The following LRRC9 variants were observed in gnomAD, a reference collection of about 807,000 sequenced individuals.
The protein encoded by LRRC9 is leucine rich repeat containing 9.
LRRC9 carries 122 observed loss-of-function variants against 63.2 expected under a neutral mutation model. The observed-to-expected ratio is 1.93, with a 90% CI of 1.67 to 2.24. The LOEUF (loss-of-function observed/expected upper bound fraction) is 2.24. Ranked by LOEUF, LRRC9 falls within the 30% of genes most tolerant of loss-of-function variation. The pLI is 0.00. For missense variants in LRRC9, 1,071 were observed against 627.7 expected (o/e 1.71, Z -7.55); for synonymous variants, 366 against 213.1 (o/e 1.72, Z -6.25).
chr14:59,963,640 C>T (rs1884562760), intron 10 of LRRC9, among the ~76,000 whole-genome samples: 1 of 151,974 alleles, frequency 6.6e-6, no homozygotes, highest in South Asian at 2.1e-4. Context: ...GATTAATAGC[C>T]CAGTACATAT....
At chr14:60,018,302 G>A in intron 24 of LRRC9, 69 bp from the exon 25 acceptor site, 1 of 690,796 alleles carries the variant, frequency 1.4e-6, no homozygotes, top group Non-Finnish European at 2.7e-6. Flanking sequence ...GTATGTGAAG[G>A]AACTCACCTT....
rs1453886569 is a variant in LRRC9, at chr14:60,060,727, C to G, written c.4277-2596C>G. ...CTGCTCTCCAGCCTGGGTGACAGAG[C>G]AAGACTCCATCTCAAAAAATAAAAT... On this transcript the variant is annotated intron_variant, in intron 31 of 31. Coordinates refer to ENST00000445360, the Ensembl canonical transcript of LRRC9. The surrounding 1 kb of genome is among the most constrained non-coding windows in gnomAD (Gnocchi z 4.0). Among the ~76,000 whole-genome samples, 2 of 152,034 alleles carry G rather than the reference C, an allele frequency of 1.3e-5. No homozygotes were observed. Among genetic ancestry groups the G allele is most frequent in the Non-Finnish European group, 2.9e-5 (2 of 68,010 alleles).
intron 25 of LRRC9, 22 bp from the exon 26 acceptor site, chr14:60,019,099 T>C (rs1341767239): frequency 1.5e-6 from 1 of 651,316 alleles, no homozygotes; most frequent in Non-Finnish European, 2.7e-6. Flanking sequence ...GATTTCTGAT[T>C]AATAAGATAT....
At chr14:59,963,917 A>C (rs1246562221) in intron 10 of LRRC9, among the ~76,000 whole-genome samples, 1 of 152,204 alleles carries the variant, frequency 6.6e-6, no homozygotes, top group African/African-American at 2.4e-5. Context: ...ACATTTAAAA[A>C]CGTGTGTAGC....
At chr14:60,019,915 T>A in intron 26 of LRRC9, among the ~76,000 whole-genome samples, 1 of 151,734 alleles carries the variant, frequency 6.6e-6, no homozygotes, top group East Asian at 1.9e-4. Context: ...ATCAGAATGC[T>A]TTCATTCCAG....
chr14:60,065,114 G>A (rs934050668), downstream of LRRC9, among the ~76,000 whole-genome samples: 3 of 152,090 alleles, frequency 2.0e-5, no homozygotes, highest in African/African-American at 4.8e-5. Flanking sequence ...GGGCGCAGTG[G>A]CTCACATCTG....
chr14:60,036,094 AAAAACTCCTGG>A (rs1892410141), intron 29 of LRRC9, among the ~76,000 whole-genome samples: 1 of 152,094 alleles, frequency 6.6e-6, no homozygotes, highest in East Asian at 1.9e-4. Flanking sequence ...AAGAGGGCAC[AAAAACTCCTGG>A]TCTCTTCTAT....
intron 29 of LRRC9, among the ~76,000 whole-genome samples, chr14:60,032,644 T>C (rs906683630): frequency 6.6e-6 from 1 of 152,120 alleles, no homozygotes; most frequent in Admixed American, 6.6e-5. Flanking sequence ...GATTGAGAAA[T>C]ATGACAATGG....
At position 59,930,653 on chromosome 14, in the gene LRRC9, GATAT is replaced by G. The variant is rs1889625442; in HGVS notation, c.268-260_268-257del. On this transcript the variant is annotated intron_variant, in intron 3 of 31. Transcript: ENST00000445360. This position sits in a 1 kb window ranked among gnomAD's most constrained non-coding sequence, Gnocchi z 4.9. Reference sequence around the variant, plus strand: ...ATAACCATATAGAAATATGATATGTGATATATATGATTACAATTATAACCATATA... The same window carrying G: ...ATAACCATATAGAAATATGATATGTGATATGATTACAATTATAACCATATA... Among the ~76,000 whole-genome samples, 1 of 151,484 alleles carries G rather than the reference GATAT, an allele frequency of 6.6e-6. No individual in the cohort carries two copies. The highest frequency in any genetic ancestry group is 1.5e-5 in the Non-Finnish European group (1 of 67,764).
At chr14:59,994,193 G>A (rs139167943) in intron 17 of LRRC9, among the ~76,000 whole-genome samples, 6 of 152,086 alleles carry the variant, frequency 3.9e-5, no homozygotes, top group East Asian at 1.9e-4. Flanking sequence ...ATCAAAAAGC[G>A]GGCAAAGGAT....
intron 17 of LRRC9, among the ~76,000 whole-genome samples, chr14:59,989,400 C>G (rs1887817884): frequency 6.6e-6 from 1 of 151,806 alleles, no homozygotes; most frequent in South Asian, 2.1e-4. Flanking sequence ...TTGTATTTCT[C>G]TTAAAAGTGT....
At chr14:59,981,084 A>AT (rs1300734767) in intron 15 of LRRC9, among the ~76,000 whole-genome samples, 1 of 151,712 alleles carries the variant, frequency 6.6e-6, no homozygotes, top group Non-Finnish European at 1.5e-5. Flanking sequence ...ATGCCTTTTA[A>AT]TTTTTTCTCT....
chr14:60,033,289 A>C (rs925452577), intron 29 of LRRC9, among the ~76,000 whole-genome samples: 1 of 152,002 alleles, frequency 6.6e-6, no homozygotes, highest in African/African-American at 2.4e-5. Flanking sequence ...TCCAATTCTC[A>C]TATTTTTAAT....
At chr14:60,016,909 A>C (rs1215547226) in intron 24 of LRRC9, 119 bp downstream of exon 24, 1 of 522,972 alleles carries the variant, frequency 1.9e-6, no homozygotes, top group African/African-American at 1.9e-5. Flanking sequence ...TCATAAAATT[A>C]TCTACTGTAC....
chr14:60,033,899 T>C (rs1054629760), intron 29 of LRRC9, among the ~76,000 whole-genome samples: 3 of 152,086 alleles, frequency 2.0e-5, no homozygotes, highest in African/African-American at 7.2e-5. Context: ...GGTTATATTT[T>C]AAACTACTTA....
chr14:59,999,732 T>C (rs1217495058), intron 19 of LRRC9, among the ~76,000 whole-genome samples: 1 of 152,148 alleles, frequency 6.6e-6, no homozygotes, highest in Non-Finnish European at 1.5e-5. Flanking sequence ...ATATCTACTC[T>C]AGTTTTCTAG....
At chr14:59,955,672 C>G (rs1292771588) in intron 8 of LRRC9, among the ~76,000 whole-genome samples, 4 of 151,718 alleles carry the variant, frequency 2.6e-5, no homozygotes, top group Non-Finnish European at 5.9e-5. Context: ...AGTTATTTGC[C>G]TTCTGCTAGC....
intron 29 of LRRC9, among the ~76,000 whole-genome samples, chr14:60,045,868 G>A (rs992226091): frequency 2.0e-5 from 3 of 151,942 alleles, no homozygotes; most frequent in Non-Finnish European, 2.9e-5. Context: ...CCACAATGTT[G>A]GAACAAATTT....
chr14:59,998,797 C>T (rs1035067867), intron 18 of LRRC9, among the ~76,000 whole-genome samples: 1 of 152,078 alleles, frequency 6.6e-6, no homozygotes, highest in Non-Finnish European at 1.5e-5. Flanking sequence ...GACTAGCTTA[C>T]TGCTGATCTA....
Sources: allele counts gnomAD v4.1 joint callset (sites outside exome capture counted in the v4.1 genomes callset), GRCh38; gene constraint gnomAD v4.1.1; non-coding constraint Gnocchi (gnomAD v3.1); transcripts MANE v1.5; gene names NCBI Gene and HGNC (gene_info 2026-07-23, HGNC 2026-07-21).